Variants in DPYSL2 observed in about 807,000 individuals in gnomAD.
The protein encoded by DPYSL2 is dihydropyrimidinase like 2.
DPYSL2 carries 13 observed loss-of-function variants against 69.9 expected under a neutral mutation model. That is an observed-to-expected ratio of 0.19 (90% CI 0.12 to 0.30). The LOEUF (loss-of-function observed/expected upper bound fraction) is 0.30, where lower values mean the gene tolerates loss of function less well. Ranked by LOEUF, DPYSL2 falls within the 10% of genes least tolerant of loss-of-function variation. DPYSL2 has a pLI of 1.00. For missense variants in DPYSL2, 587 were observed against 918.9 expected (o/e 0.64, Z 4.67); for synonymous variants, 326 against 359.1 (o/e 0.91, Z 1.04).
rs2129846381 is a variant in DPYSL2, at chr8:26,609,441, C to G, written c.629-14702C>G. 6.6e-6 allele frequency among the ~76,000 whole-genome samples: 1 copy of G among 152,246 alleles called. No individual in the cohort carries two copies. Among genetic ancestry groups the G allele is most frequent in the East Asian group, 1.9e-4 (1 of 5,180 alleles). Reference sequence around the variant, plus strand: ...TTGGATTCCCTTCCCAGCAAGGAACCAACAGGAAGGAAAACGAAGTCAAAC... The same window carrying G: ...TTGGATTCCCTTCCCAGCAAGGAACGAACAGGAAGGAAAACGAAGTCAAAC... On this transcript the variant is annotated intron_variant, in intron 3 of 13. Transcript: ENST00000521913. This position sits in a 1 kb window ranked among gnomAD's most constrained non-coding sequence, Gnocchi z 6.5.
chr8:26,622,155 T>C (rs327219), intron 3 of DPYSL2, among the ~76,000 whole-genome samples: 9,372 of 68,630 alleles, frequency 0.14, 870 homozygotes, highest in Admixed American at 0.21. Context: ...CCTTCCTTCC[T>C]TCCCTCTCTC....
chr8:26,645,799 C>T (rs1463285270), intron 10 of DPYSL2, among the ~76,000 whole-genome samples: 1 of 152,126 alleles, frequency 6.6e-6, no homozygotes, highest in Non-Finnish European at 1.5e-5. Context: ...ATCCACCTGC[C>T]TTGACCTCCC....
rs578008767 is a variant in DPYSL2 at position 26,597,237 on chromosome 8, A to G, written c.628+13254A>G. 1.1e-4 allele frequency among the ~76,000 whole-genome samples: 16 copies of G among 152,298 alleles called. No individual in the cohort carries two copies. Among genetic ancestry groups the G allele is most frequent in the Non-Finnish European group, 2.2e-4 (15 of 68,024 alleles). ...GCAATCAAGAGGAGTAACTGATGCC[A>G]TGCATTCATCAACTGAACTTAATCC... On this transcript the variant is annotated intron_variant, in intron 3 of 13. Transcript: ENST00000521913. The surrounding 1 kb of genome is among the most constrained non-coding windows in gnomAD (Gnocchi z 5.2).
intron 3 of DPYSL2, among the ~76,000 whole-genome samples, chr8:26,599,113 G>C (rs943496638): frequency 6.6e-6 from 1 of 152,218 alleles, no homozygotes; most frequent in Non-Finnish European, 1.5e-5. Context: ...GACTGGAGAA[G>C]CTGATGCATA....
At chr8:26,553,984 C>A (rs575236381) in intron 1 of DPYSL2, among the ~76,000 whole-genome samples, 1 of 149,374 alleles carries the variant, frequency 6.7e-6, no homozygotes, top group African/African-American at 2.5e-5. Context: ...CTCTGCTTTC[C>A]GGGTTCAAGC....
At chr8:26,634,170 G>T (rs1802845241) in intron 7 of DPYSL2, among the ~76,000 whole-genome samples, 1 of 152,238 alleles carries the variant, frequency 6.6e-6, no homozygotes, top group South Asian at 2.1e-4. Context: ...CTAGTCCAGG[G>T]CAGAGCCAGA....
chr8:26,573,442 G>T (rs554565790), intron 1 of DPYSL2, among the ~76,000 whole-genome samples: 1 of 152,172 alleles, frequency 6.6e-6, no homozygotes, highest in African/African-American at 2.4e-5. Flanking sequence ...GCTGAGGTGG[G>T]TGGATCACGA....
At position 26,578,365 on chromosome 8, in the gene DPYSL2, T is replaced by G. The variant is rs530583390; in HGVS notation, c.355-3604T>G. The G allele has an allele frequency of 1.1e-4, 178 of 1,601,646 alleles. No individual in the cohort carries two copies. In the African/African-American group the frequency reaches 2.3e-3, roughly 21 times the overall value. On this transcript the variant is annotated intron_variant, in intron 1 of 13. Transcript: ENST00000521913. Reference sequence around the variant, plus strand: ...TAGCACAGAAGGTCTAAGGAATTTTTAAAAAGGAGGGGAAAGGAGAGGGAC... The same window carrying G: ...TAGCACAGAAGGTCTAAGGAATTTTGAAAAAGGAGGGGAAAGGAGAGGGAC...
In DPYSL2 at chr8:26,626,902, C is replaced by T. The variant is rs1053088056; in HGVS notation, c.855+224C>T. On this transcript the variant is annotated intron_variant, in intron 5 of 13. Transcript: ENST00000521913. This position sits in a 1 kb window ranked among gnomAD's most constrained non-coding sequence, Gnocchi z 4.3. ...GCCCTGGATCTGAGGCTCTGCCCCG[C>T]ACGGCGTGTGTGGGAGCGGCACTCA... Among the ~76,000 whole-genome samples the T allele has an allele frequency of 6.6e-6, 1 of 152,170 alleles. No individual in the cohort carries two copies. Among genetic ancestry groups the T allele is most frequent in the African/African-American group, 2.4e-5 (1 of 41,430 alleles).
At chr8:26,568,797 A>G (rs1180330007) in intron 1 of DPYSL2, among the ~76,000 whole-genome samples, 2 of 141,698 alleles carry the variant, frequency 1.4e-5, no homozygotes, top group African/African-American at 5.6e-5. Context: ...TTCTGAATCA[A>G]GGAGGGCCCA....
In DPYSL2 at chr8:26,652,375, G is replaced by A. The variant is rs1803296228; in HGVS notation, c.1715G>A (p.Arg572His). 3.1e-6 allele frequency: 5 copies of A among 1,614,058 alleles called. No homozygotes were observed. Among genetic ancestry groups the A allele is most frequent in the South Asian group, 2.2e-5 (2 of 91,078 alleles). ...CTGCATGTCACCGAAGGCTCTGGACGCTACATTCCCCGGAAGCCCTTCCCT... is the reference window on the plus strand; with the variant it reads ...CTGCATGTCACCGAAGGCTCTGGACACTACATTCCCCGGAAGCCCTTCCCT... ...GTLHVTEGSG[R>H]YIPRKPFPDF... is the part of the protein sequence containing the mutation. Residue 572 changes from arginine (R) to histidine (H), a missense_variant, in exon 12 of 14, where the codon CGC (arginine) becomes CAC (histidine). Transcript: ENST00000521913. The surrounding 1 kb of genome is among the most constrained non-coding windows in gnomAD (Gnocchi z 6.3).
chr8:26,628,412 A>C (rs534337549), intron 7 of DPYSL2, among the ~76,000 whole-genome samples: 2 of 152,330 alleles, frequency 1.3e-5, no homozygotes, highest in East Asian at 1.9e-4. Flanking sequence ...GGTAGACAGA[A>C]TCTTTTAAAA....
rs552563137 is a variant in DPYSL2, at chr8:26,644,742, C to T, written c.1425+651C>T. On this transcript the variant is annotated intron_variant, in intron 10 of 13. Coordinates refer to ENST00000521913, the MANE Select transcript of DPYSL2 (RefSeq NM_001197293.3). The surrounding 1 kb of genome is among the most constrained non-coding windows in gnomAD (Gnocchi z 4.5). ...GACTTACTCAGTTAATCCTCGTCTA[C>T]TCTTGGAAATGGGCTCAATTTCCTT... is the stretch of plus-strand genomic sequence containing the variant. Among the ~76,000 whole-genome samples the T allele has an allele frequency of 6.6e-6, 1 of 152,250 alleles. No individual in the cohort carries two copies. Among genetic ancestry groups the T allele is most frequent in the South Asian group, 2.1e-4 (1 of 4,822 alleles).
At chr8:26,579,654 T>C (rs1332057448) in intron 1 of DPYSL2, among the ~76,000 whole-genome samples, 1 of 152,078 alleles carries the variant, frequency 6.6e-6, no homozygotes, top group Non-Finnish European at 1.5e-5. Flanking sequence ...GGAGGGGGCG[T>C]GTGCTCGGAG....
chr8:26,618,984 G>T (rs1246954643), intron 3 of DPYSL2, among the ~76,000 whole-genome samples: 1 of 152,022 alleles, frequency 6.6e-6, no homozygotes, highest in East Asian at 1.9e-4. Flanking sequence ...AAAGAAAAAA[G>T]AAATGGAGGT....
chr8:26,634,723 G>A (rs1802861234), intron 7 of DPYSL2, 57 bp from the exon 8 acceptor site: 2 of 1,611,746 alleles, frequency 1.2e-6, no homozygotes, highest in Non-Finnish European at 1.7e-6. Context: ...GAGGATAAAG[G>A]TAGCGGCTCG....
chr8:26,572,582 C>G (rs968597078), intron 1 of DPYSL2, among the ~76,000 whole-genome samples: 39 of 152,288 alleles, frequency 2.6e-4, no homozygotes, highest in Non-Finnish European at 5.0e-4. Context: ...TCACTGCAAC[C>G]TCCGTTTCCC....
intron 3 of DPYSL2, among the ~76,000 whole-genome samples, chr8:26,618,341 C>G: frequency 6.8e-6 from 1 of 146,572 alleles, no homozygotes; most frequent in African/African-American, 2.5e-5. Flanking sequence ...AATAGACAGT[C>G]TTTATCTGTT....
At chr8:26,558,946 A>C (rs1801031782) in intron 1 of DPYSL2, among the ~76,000 whole-genome samples, 1 of 152,090 alleles carries the variant, frequency 6.6e-6, no homozygotes, top group African/African-American at 2.4e-5. Context: ...CTATTTATTT[A>C]TTTATTTATT....
Sources: allele counts gnomAD v4.1 joint callset (sites outside exome capture counted in the v4.1 genomes callset), GRCh38; gene constraint gnomAD v4.1.1; non-coding constraint Gnocchi (gnomAD v3.1); transcripts MANE v1.5; gene names NCBI Gene and HGNC (gene_info 2026-07-23, HGNC 2026-07-21).